The following VWDE variants were observed in gnomAD, a reference collection of about 807,000 sequenced individuals.
VWDE encodes the protein von Willebrand factor D and EGF domain-containing protein.
In VWDE, 207 loss-of-function variants were observed where a neutral mutation model predicts 178.4. The ratio of observed to expected loss-of-function variants is 1.16; its 90% CI spans 1.04 to 1.30. The LOEUF is 1.30. VWDE is among the 50% of genes most tolerant of loss of function. VWDE has a pLI of 0.00. For synonymous variants in VWDE, 738 were observed against 651.4 expected (o/e 1.13, Z -2.02); for missense variants, 2,287 against 1,901.3 (o/e 1.20, Z -3.77).
intron 6 of VWDE, 39 bp from the exon 7 acceptor site, chr7:12,377,959 A>G: frequency 7.5e-7 from 1 of 1,329,842 alleles, no homozygotes; most frequent in Non-Finnish European, 9.7e-7. Context: ...ATGTTAAAAT[A>G]TAATTTATTT....
chr7:12,369,626 A>C lies in VWDE; in HGVS notation c.2680T>G (p.Cys894Gly). Residue 894 changes from cysteine (C) to glycine (G), a missense_variant, in exon 12 of 29, where the codon TGC becomes GGC. By Grantham distance (159) the Cys-to-Gly change is radical. Coordinates refer to ENST00000275358, the MANE Select transcript of VWDE (RefSeq NM_001135924.3). The part of the protein sequence containing the change: ...ILSVLKCPNL[C>G]SGNGQCMEWG... ...TCCATGCACTGCCCATTGCCGCTGC[A>C]TAAATTGGGGCATTTTAATACTGAG... The C allele has an allele frequency of 6.4e-7, 1 of 1,551,562 alleles. No individual in the cohort carries two copies. Among genetic ancestry groups the C allele is most frequent in the Non-Finnish European group, 8.7e-7 (1 of 1,146,842 alleles).
chr7:12,334,992 T>C (rs986182303), intron 27 of VWDE, among the ~76,000 whole-genome samples: 1 of 152,182 alleles, frequency 6.6e-6, no homozygotes, highest in African/African-American at 2.4e-5. Context: ...ATAAGAAATG[T>C]ATACATTACA....
Position 12,375,046 on chromosome 7 carries a change from A to C in VWDE, c.1206T>G (p.Asp402Glu), listed in dbSNP as rs1172098395. 1 of 1,551,312 alleles carries C rather than the reference A, an allele frequency of 6.4e-7. No individual in the cohort carries two copies. The highest frequency in any genetic ancestry group is 1.2e-5 in the South Asian group (1 of 84,052). Residue 402 changes from aspartate to glutamate, a missense_variant, in exon 8 of 29, where the codon GAT becomes GAG. By Grantham distance (45) the Asp-to-Glu change is conservative (BLOSUM62 2). Coordinates refer to ENST00000275358, the MANE Select transcript of VWDE (RefSeq NM_001135924.3). ...NIVVQPIVNE[D>E]FLWNNYIPDS... The stretch of plus-strand genomic sequence containing the variant: ...CTGGAATGTAGTTGTTCCACAGGAA[A>C]TCCTCATTAACTATTGGTTGCACTA...
In VWDE at chr7:12,356,182, T is replaced by C; in HGVS notation, c.3674A>G (p.Asn1225Ser). The C allele has an allele frequency of 3.9e-6, 6 of 1,551,434 alleles. No individual in the cohort carries two copies. Among genetic ancestry groups the C allele is most frequent in the Non-Finnish European group, 5.2e-6 (6 of 1,146,940 alleles). ...AATATAGCTGCCAAGACCACAAGGGTTGGATTGGCACCCACTAATGTCCAC... is the reference window on the plus strand; with the variant it reads ...AATATAGCTGCCAAGACCACAAGGGCTGGATTGGCACCCACTAATGTCCAC... ...CEVDISGCQS[N>S]PCGLGSYISG... The change falls in exon 18 of 29, where the codon AAC (asparagine) becomes AGC (serine). Residue 1225 changes from asparagine to serine, a missense_variant. By Grantham distance (46) the Asn-to-Ser change is conservative. Coordinates refer to ENST00000275358, the MANE Select transcript of VWDE (RefSeq NM_001135924.3).
intron 23 of VWDE, among the ~76,000 whole-genome samples, chr7:12,341,046 A>G (rs1781302267): frequency 6.6e-6 from 1 of 152,190 alleles, no homozygotes; most frequent in African/African-American, 2.4e-5. Context: ...TCCACTTGCC[A>G]AAATTAATTT....
chr7:12,379,005 T>A (rs1360778915), intron 6 of VWDE, among the ~76,000 whole-genome samples: 3 of 152,094 alleles, frequency 2.0e-5, no homozygotes, highest in African/African-American at 7.2e-5. Flanking sequence ...CTAGAATAGC[T>A]CTTCAGTTCT....
At chr7:12,385,528 G>C (rs1394927148) in intron 3 of VWDE, among the ~76,000 whole-genome samples, 4 of 152,078 alleles carry the variant, frequency 2.6e-5, no homozygotes, top group African/African-American at 9.7e-5. Flanking sequence ...GCTAAAACTG[G>C]AGCTTCATCC....
Position 12,343,180 on chromosome 7 carries a change from T to C in VWDE, c.4079-2A>G, listed in dbSNP as rs567216138. 6.9e-4 allele frequency: 1,072 copies of C among 1,545,992 alleles called. 12 individuals carry two copies. The South Asian group carries it at 0.012, about 17-fold the overall frequency. Reference sequence around the variant, plus strand: ...GTTGACAAGGTGGGTTACAATGTTCTGCAGAAACAGATTATGTTATTATGT... The same window carrying C: ...GTTGACAAGGTGGGTTACAATGTTCCGCAGAAACAGATTATGTTATTATGT... On this transcript the variant is annotated splice_acceptor_variant, in intron 21 of 28. Transcript: ENST00000275358. LOFTEE classifies it high-confidence loss of function.
intron 28 of VWDE, 91 bp downstream of exon 28, chr7:12,333,374 A>G (rs1368405471): frequency 5.1e-6 from 4 of 781,630 alleles, no homozygotes; most frequent in South Asian, 2.5e-5. Context: ...TGGAAATAAT[A>G]AAAAAACATT....
At chr7:12,393,325 G>A (rs1385797739) in intron 2 of VWDE, among the ~76,000 whole-genome samples, 2 of 152,122 alleles carry the variant, frequency 1.3e-5, no homozygotes, top group Non-Finnish European at 2.9e-5. Context: ...TGCACTGTTT[G>A]ATGGAAATGA....
chr7:12,372,956 A>G, intron 10 of VWDE, 21 bp downstream of exon 10: 1 of 1,538,520 alleles, frequency 6.5e-7, no homozygotes, highest in Non-Finnish European at 8.8e-7. Context: ...AATACTTTCA[A>G]TGTTAAAGAA....
At chr7:12,377,247 C>T (rs542709954) in intron 7 of VWDE, among the ~76,000 whole-genome samples, 11 of 152,176 alleles carry the variant, frequency 7.2e-5, no homozygotes, top group African/African-American at 2.6e-4. Context: ...TCACAACATC[C>T]ATATAATCAG....
chr7:12,373,320 C>A (rs972808756), intron 9 of VWDE, 73 bp from the exon 10 acceptor site: 1 of 1,437,588 alleles, frequency 7.0e-7, no homozygotes, highest in South Asian at 1.2e-5. Context: ...TGATTTGCAA[C>A]AGCTTTATGT....
chr7:12,401,774 G>A (rs113412358), intron 1 of VWDE, among the ~76,000 whole-genome samples: 1 of 151,978 alleles, frequency 6.6e-6, no homozygotes, highest in Non-Finnish European at 1.5e-5. Context: ...CTATGACCCG[G>A]TATTTCCACT....
intron 13 of VWDE, among the ~76,000 whole-genome samples, chr7:12,364,042 C>G (rs1384303251): frequency 6.6e-6 from 1 of 151,686 alleles, no homozygotes; most frequent in Non-Finnish European, 1.5e-5. Flanking sequence ...GATTGAGAAA[C>G]CAGGTAAATA....
Position 12,357,287 on chromosome 7 carries a change from G to T in VWDE, c.3503C>A (p.Ala1168Asp), listed in dbSNP as rs1301146008. Residue 1168 changes from alanine (A) to aspartate (D), a missense_variant, in exon 17 of 29, where the codon GCT (alanine) becomes GAT (aspartate). Coordinates refer to ENST00000275358, the MANE Select transcript of VWDE (RefSeq NM_001135924.3). ...TACCTCAATCGTGACTCTAGTTTCA[G>T]CATCGCAGTCATCATTAAGGCGTAC... ...ITVRLNDDCD[A>D]ETRVTIEVTV... The T allele has an allele frequency of 6.4e-7, 1 of 1,552,228 alleles. No homozygotes were observed. The highest frequency in any genetic ancestry group is 8.7e-7 in the Non-Finnish European group (1 of 1,147,102).
intron 1 of VWDE, among the ~76,000 whole-genome samples, chr7:12,396,754 TAA>T (rs60278932): frequency 0.16 from 22,218 of 139,926 alleles, 1,942 homozygotes; most frequent in African/African-American, 0.25. Context: ...CATCTCTACT[TAA>T]AAAAAAAAAA....
chr7:12,389,639 G>T (rs848014), intron 2 of VWDE, among the ~76,000 whole-genome samples: 1 of 152,024 alleles, frequency 6.6e-6, no homozygotes, highest in African/African-American at 2.4e-5. Context: ...AGGGAAATTA[G>T]ATCTCAGATA....
intron 16 of VWDE, among the ~76,000 whole-genome samples, chr7:12,359,273 C>T (rs1182940558): frequency 6.6e-6 from 1 of 152,124 alleles, no homozygotes; most frequent in Non-Finnish European, 1.5e-5. Flanking sequence ...GTGCTGAATC[C>T]ATGGCCTTTG....
Sources: gnomAD v4.1 joint callset for allele counts (sites outside exome capture counted in the v4.1 genomes callset) on GRCh38, gnomAD v4.1.1 for gene constraint, MANE v1.5 for transcripts, NCBI Gene and HGNC (gene_info 2026-07-23, HGNC 2026-07-21) for gene names.